The following CD22 variants were observed in gnomAD, a reference collection of about 807,000 sequenced individuals.
The protein encoded by CD22 is CD22 molecule, also known as B-cell receptor CD22.
A neutral mutation model predicts 94.7 loss-of-function variants in CD22; 51 were observed. That is an observed-to-expected ratio of 0.54 (90% CI 0.43 to 0.68). The LOEUF (loss-of-function observed/expected upper bound fraction) is 0.68. Among genes scored for constraint, CD22 ranks in the 30% least tolerant of loss-of-function variants. The pLI is 0.00. For synonymous variants in CD22, 424 were observed against 422.5 expected (o/e 1.00, Z -0.04); for missense variants, 931 against 1,060.4 (o/e 0.88, Z 1.69).
At position 35,344,906 on chromosome 19, in the gene CD22, G is replaced by T. The variant is rs773749663; in HGVS notation, c.2113G>T (p.Gly705Trp). 2.5e-6 allele frequency: 4 copies of T among 1,613,976 alleles called. No homozygotes were observed. In the South Asian group the frequency reaches 4.4e-5, roughly 18 times the overall value. Reference protein sequence around the residue: ...CLAILILAICGLKLQRRWKRT... With the variant: ...CLAILILAICWLKLQRRWKRT... ...CGCCATCCTCATCCTGGCAATCTGT[G>T]GGCTCAAGCTCCAGCGACGGTGAGC... Residue 705 changes from glycine (G) to tryptophan (W), a missense_variant, in exon 10 of 14, where the codon GGG (glycine) becomes TGG (tryptophan). Physicochemically the swap from Gly to Trp is radical, Grantham distance 184 (BLOSUM62 -2). Transcript: ENST00000085219.
chr19:35,346,263 A>G (rs1286036597), intron 13 of CD22, 28 bp downstream of exon 13: 7 of 1,588,456 alleles, frequency 4.4e-6, no homozygotes, highest in Non-Finnish European at 6.1e-6. Flanking sequence ...AGGTCTCCCC[A>G]GAGGGGCTGT....
chr19:35,340,918 C>A lies in CD22; in HGVS notation c.1287C>A (p.Pro429=). 6.2e-7 allele frequency: 1 copy of A among 1,614,160 alleles called. No individual in the cohort carries two copies. ...AGGTGACCACAGTGATTCAAAACCC[C>A]ATGCCGATTCGAGAAGGAGACACAG... The part of the protein sequence containing the change: ...PKKVTTVIQN[P]MPIREGDTVT... The change falls in exon 7 of 14, where the codon CCC becomes CCA. Residue 429 remains proline (P), a synonymous_variant. Coordinates refer to ENST00000085219, the MANE Select transcript of CD22 (RefSeq NM_001771.4).
Position 35,340,531 on chromosome 19 carries a change from C to T in CD22, c.1250-350C>T, listed in dbSNP as rs546927686. On this transcript the variant is annotated intron_variant, in intron 6 of 13. Coordinates refer to ENST00000085219, the MANE Select transcript of CD22 (RefSeq NM_001771.4). ...CTGACCTCAGGTGATCTGCCCACCT[C>T]AGCCTCCCAAAGTGCTGAAATTACA... Among the ~76,000 whole-genome samples, 41 of 152,286 alleles carry T rather than the reference C, an allele frequency of 2.7e-4. No homozygotes were observed. In the South Asian group the frequency reaches 5.2e-3, roughly 19 times the overall value.
At chr19:35,340,633 C>A (rs894815598) in intron 6 of CD22, among the ~76,000 whole-genome samples, 4 of 152,198 alleles carry the variant, frequency 2.6e-5, no homozygotes, top group Non-Finnish European at 4.4e-5. Context: ...CATGCCCGTG[C>A]GCCTCTCAGC....
chr19:35,346,683 A>T lies in CD22; in HGVS notation c.2530A>T (p.Ile844Phe). The T allele has an allele frequency of 6.2e-7, 1 of 1,609,294 alleles. No homozygotes were observed. The highest frequency in any genetic ancestry group is 8.5e-7 in the Non-Finnish European group (1 of 1,177,526). ...PQAQENVDYV[I>F]LKH is the part of the protein sequence containing the mutation. Reference sequence around the variant, plus strand: ...GGCACAAGAAAATGTGGACTATGTGATCCTCAAACATTGACACTGGATGGG... The same window carrying T: ...GGCACAAGAAAATGTGGACTATGTGTTCCTCAAACATTGACACTGGATGGG... The change falls in exon 14 of 14, where the codon ATC becomes TTC. Residue 844 changes from isoleucine to phenylalanine, a missense_variant. Transcript: ENST00000085219.
Position 35,329,190 on chromosome 19 carries a change from T to A in CD22, c.-63T>A, listed in dbSNP as rs546758955. 3.1e-6 allele frequency: 4 copies of A among 1,289,498 alleles called. No individual in the cohort carries two copies. Among genetic ancestry groups the A allele is most frequent in the Non-Finnish European group, 4.0e-6 (4 of 988,684 alleles). 79.9% of individuals were successfully genotyped at this position (1,289,498 alleles called of 1,614,324 possible). A position where few individuals can be genotyped will look rare whatever the true frequency, so the allele number is the denominator to read the frequency against. ...CTGTACTTCTCCTTTTGCTCTCAGATGCTGCCAGGGTCCCTGAAGAGGGAA... is the reference window on the plus strand; with the variant it reads ...CTGTACTTCTCCTTTTGCTCTCAGAAGCTGCCAGGGTCCCTGAAGAGGGAA... On this transcript the variant is annotated 5_prime_UTR_variant, in exon 1 of 14. The change abolishes an upstream ATG in the 5' untranslated region. Coordinates refer to ENST00000085219, the MANE Select transcript of CD22 (RefSeq NM_001771.4).
chr19:35,339,594 G>A (rs142294317), intron 6 of CD22, among the ~76,000 whole-genome samples: 22 of 150,444 alleles, frequency 1.5e-4, no homozygotes, highest in Non-Finnish European at 2.5e-4. Context: ...GGTGGCTTAC[G>A]CCTGTAATCC....
intron 3 of CD22, 148 bp from the exon 4 acceptor site, chr19:35,335,888 C>A: frequency 1.5e-6 from 1 of 671,212 alleles, no homozygotes; most frequent in Non-Finnish European, 2.6e-6. Context: ...ACAACAATAA[C>A]AACAAAAAAA....
chr19:35,346,828 A>G lies in CD22; in HGVS notation c.*131A>G, dbSNP rs1487232718. 4.9e-5 allele frequency: 42 copies of G among 861,344 alleles called. No homozygotes were observed. The highest frequency in any genetic ancestry group is 6.8e-5 in the Non-Finnish European group (39 of 571,388). The allele number at this position is 861,344 out of a possible 1,614,324, so 53.4% of individuals were successfully genotyped here. A position where few individuals can be genotyped will look rare whatever the true frequency, so the allele number is the denominator to read the frequency against. ...CACACACACACACACGCACACACACACACACACACTCACTGCGGAGAACCT... is the reference window on the plus strand; with the variant it reads ...CACACACACACACACGCACACACACGCACACACACTCACTGCGGAGAACCT... On this transcript the variant is annotated 3_prime_UTR_variant, in exon 14 of 14. Transcript: ENST00000085219.
chr19:35,335,154 C>T (rs1013741808), intron 3 of CD22, among the ~76,000 whole-genome samples: 34 of 151,158 alleles, frequency 2.2e-4, no homozygotes, highest in Admixed American at 1.3e-3. Context: ...AGCAGACATC[C>T]GGCAATGAGC....
At position 35,341,786 on chromosome 19, in the gene CD22, A is replaced by G. The variant is rs769853243; in HGVS notation, c.1856A>G (p.Asp619Gly). 20 of 1,613,240 alleles carry G rather than the reference A, an allele frequency of 1.2e-5. 1 individual carries two copies. The South Asian group carries it at 2.2e-4, about 18-fold the overall frequency. The stretch of plus-strand genomic sequence containing the variant: ...AGTGCAACCCTGACCTGTGAGAGCG[A>G]CGCCAACCCTCCCGTCTCCCACTAC... ...GKSATLTCES[D>G]ANPPVSHYTW... The change falls in exon 9 of 14, where the codon GAC becomes GGC. Residue 619 changes from aspartate to glycine, a missense_variant. Physicochemically the swap from Asp to Gly is moderately conservative, Grantham distance 94. Coordinates refer to ENST00000085219, the MANE Select transcript of CD22 (RefSeq NM_001771.4). This position sits in a 1 kb window ranked among gnomAD's most constrained non-coding sequence, Gnocchi z 4.0.
At chr19:35,340,635 C>A (rs1448205867) in intron 6 of CD22, among the ~76,000 whole-genome samples, 1 of 152,224 alleles carries the variant, frequency 6.6e-6, no homozygotes, top group African/African-American at 2.4e-5. Context: ...TGCCCGTGCG[C>A]CTCTCAGCAG....
chr19:35,343,609 T>C (rs1196372849), intron 9 of CD22, among the ~76,000 whole-genome samples: 1 of 152,146 alleles, frequency 6.6e-6, no homozygotes, highest in Non-Finnish European at 1.5e-5. Flanking sequence ...AGGCTGGGCA[T>C]GGTGGTTCAT....
chr19:35,335,358 C>G (rs574707544), intron 3 of CD22, among the ~76,000 whole-genome samples: 22 of 152,014 alleles, frequency 1.4e-4, no homozygotes, highest in African/African-American at 4.1e-4. Context: ...GAGTTTGAGA[C>G]CAGCCTGGGT....
chr19:35,345,420 CAA>C (rs61349223), intron 11 of CD22, 180 bp from the exon 12 acceptor site: 14,723 of 150,742 alleles, frequency 0.098, 12 homozygotes, highest in East Asian at 0.12. Context: ...GACTCTGCCT[CAA>C]AAAAAAAAAA....
chr19:35,340,432 A>T (rs2066790247), intron 6 of CD22, among the ~76,000 whole-genome samples: 1 of 151,898 alleles, frequency 6.6e-6, no homozygotes, highest in Non-Finnish European at 1.5e-5. Flanking sequence ...ACAGACATGC[A>T]CCAGCATGCA....
At chr19:35,339,740 C>T (rs2066779812) in intron 6 of CD22, among the ~76,000 whole-genome samples, 1 of 152,130 alleles carries the variant, frequency 6.6e-6, no homozygotes, top group South Asian at 2.1e-4. Context: ...ACCTGAAATC[C>T]ACCTACCTGG....
rs2066744425 is a variant in CD22, at chr19:35,337,671, T to C, written c.719-84T>C. 8.0e-7 allele frequency: 1 copy of C among 1,251,888 alleles called. No individual in the cohort carries two copies. Among genetic ancestry groups the C allele is most frequent in the Non-Finnish European group, 1.1e-6 (1 of 903,458 alleles). The allele number at this position is 1,251,888 out of a possible 1,614,324, so 77.5% of individuals were successfully genotyped here. The stretch of plus-strand genomic sequence containing the variant: ...GGTGAAGGGACTGGCAGGCCATGGC[T>C]TTGTCAGAATAAAAGCACTTTCCAC... On this transcript the variant is annotated intron_variant, in intron 4 of 13. Transcript: ENST00000085219. This position sits in a 1 kb window ranked among gnomAD's most constrained non-coding sequence, Gnocchi z 4.4.
chr19:35,337,062 A>AC lies in CD22; in HGVS notation c.719-689dup, dbSNP rs2066735772. ...AGACCATCCTGGCTAACATGGTGAAACCCCATCTCTAGTAAAAATACAAAA... is the reference window on the plus strand; with the variant it reads ...AGACCATCCTGGCTAACATGGTGAAACCCCCATCTCTAGTAAAAATACAAAA... On this transcript the variant is annotated intron_variant, in intron 4 of 13. Coordinates refer to ENST00000085219, the MANE Select transcript of CD22 (RefSeq NM_001771.4). This position sits in a 1 kb window ranked among gnomAD's most constrained non-coding sequence, Gnocchi z 4.4. 6.6e-6 allele frequency among the ~76,000 whole-genome samples: 1 copy of AC among 151,948 alleles called. No individual in the cohort carries two copies. Among genetic ancestry groups the AC allele is most frequent in the Non-Finnish European group, 1.5e-5 (1 of 67,978 alleles).
Sources: allele counts gnomAD v4.1 joint callset (sites outside exome capture counted in the v4.1 genomes callset), GRCh38; gene constraint gnomAD v4.1.1; non-coding constraint Gnocchi (gnomAD v3.1); transcripts MANE v1.5; gene names NCBI Gene and HGNC (gene_info 2026-07-23, HGNC 2026-07-21).